Variants in HIP1R observed in about 807,000 individuals in gnomAD.
HIP1R encodes the protein huntingtin-interacting protein 1-related protein.
In HIP1R, 135 loss-of-function variants were observed where a neutral mutation model predicts 144.2. That is an observed-to-expected ratio of 0.94 (90% CI 0.81 to 1.08). HIP1R has a LOEUF of 1.08. Ranked by LOEUF, HIP1R falls within the 50% of genes least tolerant of loss-of-function variation. The pLI is 0.00. For missense variants in HIP1R, 1,462 were observed against 1,432.8 expected (o/e 1.02, Z -0.33); for synonymous variants, 698 against 612.8 (o/e 1.14, Z -2.05).
intron 1 of HIP1R, among the ~76,000 whole-genome samples, chr12:122,847,232 C>T (rs1266925838): frequency 2.0e-5 from 3 of 151,966 alleles, no homozygotes; most frequent in South Asian, 2.1e-4. Context: ...GTGATGGTAC[C>T]GCCGTGAGCC....
intron 1 of HIP1R, among the ~76,000 whole-genome samples, chr12:122,843,989 A>G (rs1204887191): frequency 6.6e-6 from 1 of 152,064 alleles, no homozygotes; most frequent in Non-Finnish European, 1.5e-5. Context: ...GATTACAGGC[A>G]CACACCACCA....
intron 1 of HIP1R, 67 bp downstream of exon 1, chr12:122,835,710 C>T: frequency 2.0e-6 from 2 of 1,006,536 alleles, no homozygotes; most frequent in East Asian, 6.9e-5. Flanking sequence ...GTCCCTGACC[C>T]CTCACGCGCG....
At chr12:122,846,405 A>T (rs1187547755) in intron 1 of HIP1R, among the ~76,000 whole-genome samples, 1 of 152,178 alleles carries the variant, frequency 6.6e-6, no homozygotes, top group South Asian at 2.1e-4. Context: ...CGAGTTGCCC[A>T]TGCCTGGCTG....
rs146232601 is a variant in HIP1R, at chr12:122,842,401, C to T, written c.94-5630C>T. On this transcript the variant is annotated intron_variant, in intron 1 of 31. Transcript: ENST00000253083. ...ATTATTAGCTGGAGAAGGAGAGACT[C>T]AGTGCCCTGAAGTCGTCCAGTACTT... is the stretch of plus-strand genomic sequence containing the variant. Among the ~76,000 whole-genome samples, 741 of 152,348 alleles carry T rather than the reference C, an allele frequency of 4.9e-3. 9 individuals carry two copies. The highest frequency in any genetic ancestry group is 0.017 in the African/African-American group (703 of 41,588).
chr12:122,859,551 T>A lies in HIP1R; in HGVS notation c.2406+15T>A. ...GGAGGATTGAGGTGAGCACGGGATC[T>A]GGGGACTCCCCTCATTCCTGTGGAG... is the stretch of plus-strand genomic sequence containing the variant. On this transcript the variant is annotated intron_variant, in intron 23 of 31. Transcript: ENST00000253083. 1 of 1,590,894 alleles carries A rather than the reference T, an allele frequency of 6.3e-7. No individual in the cohort carries two copies. The highest frequency in any genetic ancestry group is 1.7e-5 in the Admixed American group (1 of 59,808).
rs2033032629 is a variant in HIP1R at position 122,840,716 on chromosome 12, A to G, written c.93+5073A>G. On this transcript the variant is annotated intron_variant, in intron 1 of 31. Transcript: ENST00000253083. This position sits in a 1 kb window ranked among gnomAD's most constrained non-coding sequence, Gnocchi z 4.2. ...CTGGGGCGGTTGGGGAGAAAAGTGG[A>G]TCTGCACAGAGGTTGGGGGGACTCA... Among the ~76,000 whole-genome samples the G allele has an allele frequency of 6.6e-6, 1 of 152,108 alleles. No individual in the cohort carries two copies.
chr12:122,845,781 G>A (rs972073686), intron 1 of HIP1R, among the ~76,000 whole-genome samples: 3 of 152,170 alleles, frequency 2.0e-5, no homozygotes, highest in African/African-American at 4.8e-5. Flanking sequence ...TGAGGGTGCC[G>A]GGTGCGGGGA....
chr12:122,855,006 G>C, intron 9 of HIP1R, 44 bp downstream of exon 9: 1 of 1,613,414 alleles, frequency 6.2e-7, no homozygotes, highest in Non-Finnish European at 8.5e-7. Flanking sequence ...GTGGGGGAGA[G>C]GCTCCGTGGC....
In HIP1R at chr12:122,861,146, C is replaced by T. The variant is rs758461687; in HGVS notation, c.2906C>T (p.Ser969Phe). 17 of 1,613,190 alleles carry T rather than the reference C, an allele frequency of 1.1e-5. No individual in the cohort carries two copies. The African/African-American group carries it at 2.1e-4, about 20-fold the overall frequency. ...QIEDRDTMDF[S>F]GLSLIKLKKQ... ...CCGGCCACAGACACCATGGATTTCT[C>T]CGGCCTGTCCCTCATCAAGCTGAAG... Residue 969 changes from serine (S) to phenylalanine (F), a missense_variant, in exon 30 of 32, where the codon TCC becomes TTC. Physicochemically the swap from Ser to Phe is radical, Grantham distance 155. Coordinates refer to ENST00000253083, the MANE Select transcript of HIP1R (RefSeq NM_003959.3).
At chr12:122,850,989 G>A (rs1392373442) in intron 6 of HIP1R, 78 bp downstream of exon 6, 26 of 1,289,988 alleles carry the variant, frequency 2.0e-5, no homozygotes, top group South Asian at 2.0e-4. Flanking sequence ...ACGCCCAGGC[G>A]TCCGCATGGG....
chr12:122,853,744 G>A (rs934722143), intron 7 of HIP1R: 5 of 319,546 alleles, frequency 1.6e-5, no homozygotes, highest in Admixed American at 1.5e-4. Context: ...GGAGCTATCC[G>A]TCACCCTTGT....
At chr12:122,850,759 G>A in intron 5 of HIP1R, 76 bp from the exon 6 acceptor site, 1 of 1,035,440 alleles carries the variant, frequency 9.7e-7, no homozygotes, top group Non-Finnish European at 1.4e-6. Context: ...TGGGTGGGGG[G>A]GAGCCCTGGT....
At chr12:122,857,348 G>A (rs1263875015) in intron 18 of HIP1R, 133 bp downstream of exon 18, 10 of 860,746 alleles carry the variant, frequency 1.2e-5, no homozygotes, top group South Asian at 1.1e-4. Flanking sequence ...TTTTGTGTCC[G>A]GCTTCTTCAC....
intron 1 of HIP1R, among the ~76,000 whole-genome samples, chr12:122,838,679 A>C (rs966227732): frequency 6.6e-6 from 1 of 152,174 alleles, no homozygotes; most frequent in Admixed American, 6.5e-5. Context: ...TTGCAGGTGG[A>C]ATTAGAGTTT....
In HIP1R at chr12:122,836,280, C is replaced by T. The variant is rs981623739; in HGVS notation, c.93+637C>T. On this transcript the variant is annotated intron_variant, in intron 1 of 31. Transcript: ENST00000253083. This position sits in a 1 kb window ranked among gnomAD's most constrained non-coding sequence, Gnocchi z 4.1. ...TCGTATGTCGCCAGACTTGTTTGCC[C>T]GAGCGCTGCCCACGTATAAATAGGT... Among the ~76,000 whole-genome samples the T allele has an allele frequency of 9.2e-5, 14 of 152,158 alleles. No homozygotes were observed. Among genetic ancestry groups the T allele is most frequent in the African/African-American group, 3.1e-4 (13 of 41,432 alleles).
chr12:122,852,972 C>A (rs368337819), intron 7 of HIP1R, among the ~76,000 whole-genome samples: 12 of 152,302 alleles, frequency 7.9e-5, no homozygotes, highest in East Asian at 7.7e-4. Context: ...GCCCCTCCCC[C>A]CCAGGCTCTC....
rs1196764669 is a variant in HIP1R at position 122,861,151 on chromosome 12, C to T, written c.2911C>T (p.Leu971=). The T allele has an allele frequency of 3.7e-6, 6 of 1,613,246 alleles. No homozygotes were observed. In the East Asian group the frequency reaches 8.9e-5, roughly 24 times the overall value. ...EDRDTMDFSG[L]SLIKLKKQEM... ...CACAGACACCATGGATTTCTCCGGCCTGTCCCTCATCAAGCTGAAGAAGCA... is the reference window on the plus strand; with the variant it reads ...CACAGACACCATGGATTTCTCCGGCTTGTCCCTCATCAAGCTGAAGAAGCA... Residue 971 remains leucine, a synonymous_variant, in exon 30 of 32, where the codon CTG becomes TTG. Coordinates refer to ENST00000253083, the MANE Select transcript of HIP1R (RefSeq NM_003959.3).
intron 2 of HIP1R, 146 bp from the exon 3 acceptor site, chr12:122,848,320 C>T (rs914848390): frequency 3.7e-6 from 4 of 1,087,270 alleles, no homozygotes; most frequent in South Asian, 3.2e-5. Flanking sequence ...GTCCCCTTGG[C>T]TGGACACTGG....
In HIP1R at chr12:122,858,906, G is replaced by A. The variant is rs1434346109; in HGVS notation, c.2119G>A (p.Gly707Ser). ...GGCTGCGGATACCATCATCAATGGC[G>A]GTGCCACCTCGCACCTGGCTCCCAC... ...HLAADTIINGGATSHLAPTDP... is the reference protein window; with the variant it reads ...HLAADTIINGSATSHLAPTDP... The change falls in exon 21 of 32, where the codon GGT (glycine) becomes AGT (serine). Residue 707 changes from glycine to serine, a missense_variant. By Grantham distance (56) the Gly-to-Ser change is moderately conservative (BLOSUM62 0). This residue lies in a region of HIP1R where 1,112 missense variants were observed against 1,011.7 expected (regional missense o/e 1.10). Transcript: ENST00000253083. 7 of 1,613,172 alleles carry A rather than the reference G, an allele frequency of 4.3e-6. No individual in the cohort carries two copies. The highest frequency in any genetic ancestry group is 2.2e-5 in the South Asian group (2 of 91,082).
Sources: allele counts gnomAD v4.1 joint callset (sites outside exome capture counted in the v4.1 genomes callset), GRCh38; gene constraint gnomAD v4.1.1; regional missense constraint gnomAD v4.1.1; non-coding constraint Gnocchi (gnomAD v3.1); transcripts MANE v1.5; gene names NCBI Gene and HGNC (gene_info 2026-07-23, HGNC 2026-07-21).